CBX1: variants seen among roughly 807,000 people sequenced by gnomAD.
CBX1 encodes chromobox protein homolog 1.
A neutral mutation model predicts 25.1 loss-of-function variants in CBX1; 10 were observed. The observed-to-expected ratio is 0.40, with a 90% CI of 0.25 to 0.68. The LOEUF is 0.68. Ranked by LOEUF, CBX1 falls within the 30% of genes least tolerant of loss-of-function variation. The pLI is 0.40. For synonymous variants in CBX1, 63 were observed against 79.4 expected, an observed-to-expected ratio of 0.79 and a Z score of 1.10; for missense variants, 106 against 218.5, an observed-to-expected ratio of 0.49 and a Z score of 3.25.
intron 1 of CBX1, among the ~76,000 whole-genome samples, chr17:48,089,042 C>T (rs1247146703): frequency 1.3e-5 from 2 of 151,424 alleles, no homozygotes; most frequent in Admixed American, 1.3e-4. Context: ...CCAGGAACAG[C>T]ATAAATCTGA....
At chr17:48,076,793 G>C in intron 2 of CBX1, 72 bp downstream of exon 2, 1 of 1,385,460 alleles carries the variant, frequency 7.2e-7, no homozygotes, top group Admixed American at 2.0e-5. Flanking sequence ...TCATAGCACT[G>C]GAGGTCTCAT....
At chr17:48,097,475 G>A (rs564104591) in intron 1 of CBX1, among the ~76,000 whole-genome samples, 1 of 151,866 alleles carries the variant, frequency 6.6e-6, no homozygotes, top group Admixed American at 6.6e-5. Flanking sequence ...AATTAGCCGG[G>A]CGTTGTCGGG....
At chr17:48,087,872 C>CAACAAA (rs2063321465) in intron 1 of CBX1, among the ~76,000 whole-genome samples, 1 of 89,496 alleles carries the variant, frequency 1.1e-5, no homozygotes, top group African/African-American at 4.3e-5. Context: ...GACTCAGTCT[C>CAACAAA]AAAAAAAAAA....
At chr17:48,096,308 G>A in intron 1 of CBX1, 1 of 981,518 alleles carries the variant, frequency 1.0e-6, no homozygotes, top group Non-Finnish European at 1.2e-6. Flanking sequence ...CCTTGAGTAT[G>A]TTGACATGGA....
At chr17:48,081,783 TAAG>T (rs760941099) in intron 1 of CBX1, among the ~76,000 whole-genome samples, 21 of 152,262 alleles carry the variant, frequency 1.4e-4, no homozygotes, top group Admixed American at 3.9e-4. Flanking sequence ...GCAACTCAAA[TAAG>T]AAGAATATAG....
chr17:48,091,709 T>C (rs2063344684), intron 1 of CBX1, among the ~76,000 whole-genome samples: 1 of 149,932 alleles, frequency 6.7e-6, no homozygotes, highest in Non-Finnish European at 1.5e-5. Flanking sequence ...GCCCAGCTAA[T>C]TTTTTGAATT....
At chr17:48,101,098 G>A (rs983240355) in intron 1 of CBX1, 170 bp downstream of exon 1, 3 of 986,486 alleles carry the variant, frequency 3.0e-6, no homozygotes, top group Middle Eastern at 5.2e-4. Flanking sequence ...CGACGCCTCA[G>A]CGACAGGCGA....
At chr17:48,094,100 G>A (rs2063359166) in intron 1 of CBX1, among the ~76,000 whole-genome samples, 2 of 99,096 alleles carry the variant, frequency 2.0e-5, no homozygotes, top group African/African-American at 7.9e-5. Flanking sequence ...GGCATCAAGA[G>A]TGAAACTCTG....
At chr17:48,081,036 G>A (rs1345484236) in intron 1 of CBX1, among the ~76,000 whole-genome samples, 1 of 115,376 alleles carries the variant, frequency 8.7e-6, no homozygotes, top group East Asian at 2.9e-4. Flanking sequence ...TTTTTGAAAA[G>A]TTTAATCTAT....
intron 1 of CBX1, among the ~76,000 whole-genome samples, chr17:48,091,686 C>G (rs940815215): frequency 1.3e-5 from 2 of 151,990 alleles, no homozygotes; most frequent in African/African-American, 4.8e-5. Context: ...GAATTACAAG[C>G]ACGCGCCACC....
At chr17:48,077,131 A>G in intron 1 of CBX1, 90 bp from the exon 2 acceptor site, 4 of 1,001,018 alleles carry the variant, frequency 4.0e-6, no homozygotes, top group Non-Finnish European at 5.9e-6. Context: ...GGGACATGAC[A>G]GGTGATAATA....
intron 1 of CBX1, among the ~76,000 whole-genome samples, chr17:48,082,865 ATC>A (rs1228814400): frequency 1.5e-5 from 2 of 130,918 alleles, no homozygotes; most frequent in Non-Finnish European, 3.1e-5. Flanking sequence ...TGACACAATT[ATC>A]TTTTTTTTTT....
chr17:48,092,509 T>C (rs970817451), intron 1 of CBX1, among the ~76,000 whole-genome samples: 1 of 149,924 alleles, frequency 6.7e-6, no homozygotes, highest in African/African-American at 2.4e-5. Context: ...TTGCCCAGGC[T>C]AGAGTGCAGC....
chr17:48,089,644 TG>T (rs2063333264), intron 1 of CBX1, among the ~76,000 whole-genome samples: 1 of 95,544 alleles, frequency 1.0e-5, no homozygotes, highest in Non-Finnish European at 2.1e-5. Flanking sequence ...ACCTACATGG[TG>T]AGAGCCCATC....
At chr17:48,094,185 G>A (rs2063360005) in intron 1 of CBX1, among the ~76,000 whole-genome samples, 1 of 147,272 alleles carries the variant, frequency 6.8e-6, no homozygotes, top group Non-Finnish European at 1.5e-5. Context: ...TGTAATCCCA[G>A]CACATTGGGA....
chr17:48,090,462 A>C (rs902594121), intron 1 of CBX1, among the ~76,000 whole-genome samples: 4 of 152,144 alleles, frequency 2.6e-5, no homozygotes, highest in Admixed American at 6.6e-5. Flanking sequence ...GTCTCTCACT[A>C]AATCCTGGTA....
intron 1 of CBX1, among the ~76,000 whole-genome samples, chr17:48,089,982 A>G (rs573006839): frequency 2.7e-5 from 4 of 150,384 alleles, no homozygotes; most frequent in Non-Finnish European, 4.4e-5. Context: ...GTGCAGTGGC[A>G]TGATCTCGGC....
At chr17:48,082,862 A>T (rs1443608807) in intron 1 of CBX1, among the ~76,000 whole-genome samples, 1 of 132,542 alleles carries the variant, frequency 7.5e-6, no homozygotes, top group Non-Finnish European at 1.6e-5. Flanking sequence ...TAATGACACA[A>T]TTATCTTTTT....
At chr17:48,100,897 C>G (rs1598321400) in intron 1 of CBX1, 9 of 985,664 alleles carry the variant, frequency 9.1e-6, no homozygotes, top group Non-Finnish European at 1.1e-5. Context: ...GTCGTATGCG[C>G]CTCCTCACGC....
Sources: gnomAD v4.1 joint callset for allele counts (sites outside exome capture counted in the v4.1 genomes callset) on GRCh38, gnomAD v4.1.1 for gene constraint, MANE v1.5 for transcripts, NCBI Gene and HGNC (gene_info 2026-07-23, HGNC 2026-07-21) for gene names.